Variants in COMMD1 observed in about 807,000 individuals in gnomAD.
The protein encoded by COMMD1 is COMM domain-containing protein 1.
COMMD1 carries 10 observed loss-of-function variants against 17.2 expected under a neutral mutation model. The ratio of observed to expected loss-of-function variants is 0.58; its 90% CI spans 0.36 to 0.99. The LOEUF (loss-of-function observed/expected upper bound fraction) is 0.99, where lower values mean the gene tolerates loss of function less well. COMMD1 is among the 50% of genes least tolerant of loss of function. The pLI is 0.01. For synonymous variants in COMMD1, 97 were observed against 91.6 expected (o/e 1.06, Z -0.34); for missense variants, 270 against 231.8 (o/e 1.17, Z -1.07).
intron 1 of COMMD1, among the ~76,000 whole-genome samples, chr2:61,939,337 G>T (rs1052286220): frequency 1.3e-5 from 2 of 151,660 alleles, no homozygotes; most frequent in Non-Finnish European, 2.9e-5. Context: ...ATGGTGGCAG[G>T]TGCCTGTGGT....
intron 1 of COMMD1, among the ~76,000 whole-genome samples, chr2:61,946,689 A>G (rs1391433744): frequency 1.3e-5 from 2 of 152,182 alleles, no homozygotes; most frequent in African/African-American, 4.8e-5. Context: ...ATTAAAGCTT[A>G]TTTTAAAACC....
intron 1 of COMMD1, among the ~76,000 whole-genome samples, chr2:61,929,237 G>A (rs941341466): frequency 6.6e-6 from 1 of 152,226 alleles, no homozygotes; most frequent in Non-Finnish European, 1.5e-5. Context: ...AGCAGGAGAT[G>A]TGTGAAGGAC....
At chr2:62,093,615 A>G (rs1671906960) in intron 2 of COMMD1, among the ~76,000 whole-genome samples, 1 of 152,240 alleles carries the variant, frequency 6.6e-6, no homozygotes. Flanking sequence ...ATTGCCGTAC[A>G]GGACAGGCCA....
chr2:61,909,005 C>T (rs554777257), intron 1 of COMMD1, among the ~76,000 whole-genome samples: 7 of 152,116 alleles, frequency 4.6e-5, no homozygotes, highest in South Asian at 2.1e-4. Flanking sequence ...CTCGGCTCTC[C>T]GCAACCTCTG....
chr2:62,029,221 C>G (rs894017158), intron 2 of COMMD1, among the ~76,000 whole-genome samples: 1 of 152,048 alleles, frequency 6.6e-6, no homozygotes, highest in Non-Finnish European at 1.5e-5. Flanking sequence ...AATTGTTATA[C>G]TCTTTGGGCA....
chr2:61,901,183 G>A (rs770884927), upstream of COMMD1, among the ~76,000 whole-genome samples: 6 of 151,366 alleles, frequency 4.0e-5, no homozygotes, highest in Admixed American at 2.0e-4. Context: ...CTGACCTCAG[G>A]TGATCTGCCT....
At chr2:62,053,248 G>T (rs1220482493) in intron 2 of COMMD1, among the ~76,000 whole-genome samples, 2 of 152,082 alleles carry the variant, frequency 1.3e-5, no homozygotes. Context: ...TTAAGAAATT[G>T]GGGTCTCTGG....
chr2:61,889,992 G>C (rs1207953544), intron 1 of COMMD1, among the ~76,000 whole-genome samples: 1 of 152,192 alleles, frequency 6.6e-6, no homozygotes. Context: ...TCAGTAGATA[G>C]AAGCAGTATT....
At chr2:61,930,588 T>C (rs897675510) in intron 1 of COMMD1, among the ~76,000 whole-genome samples, 4 of 151,054 alleles carry the variant, frequency 2.6e-5, no homozygotes, top group African/African-American at 9.7e-5. Context: ...ATGAGACTTC[T>C]AAGAGACTAT....
At chr2:61,888,615 A>T, upstream of COMMD1, 1 of 1,342,976 alleles carries the variant, frequency 7.4e-7, no homozygotes, top group East Asian at 2.6e-5. Context: ...CGAACCTTCC[A>T]GAAAGCGGCG....
intron 2 of COMMD1, among the ~76,000 whole-genome samples, chr2:62,073,931 A>C (rs1388718206): frequency 1.3e-5 from 2 of 152,190 alleles, no homozygotes; most frequent in Non-Finnish European, 2.9e-5. Context: ...CCCTGACCTC[A>C]GGTGATCCAC....
At chr2:61,892,157 T>C (rs1669447967) in intron 1 of COMMD1, among the ~76,000 whole-genome samples, 1 of 151,924 alleles carries the variant, frequency 6.6e-6, no homozygotes, top group African/African-American at 2.4e-5. Context: ...AAAAATACTT[T>C]CCAAAACAAA....
chr2:62,078,162 C>G (rs1671401219), intron 2 of COMMD1, among the ~76,000 whole-genome samples: 1 of 143,074 alleles, frequency 7.0e-6, no homozygotes, highest in African/African-American at 2.6e-5. Context: ...GTAGTCCCTG[C>G]TACTCGGGAG....
At chr2:61,899,273 C>G (rs1669611050) in intron 1 of COMMD1, among the ~76,000 whole-genome samples, 1 of 152,170 alleles carries the variant, frequency 6.6e-6, no homozygotes, top group Non-Finnish European at 1.5e-5. Context: ...AGGCAACATT[C>G]TTATTGTCAA....
intron 1 of COMMD1, among the ~76,000 whole-genome samples, chr2:61,909,416 C>T (rs1045107447): frequency 1.4e-4 from 21 of 152,084 alleles, no homozygotes; most frequent in African/African-American, 4.3e-4. Context: ...ATTTTTGCTG[C>T]CCTTGAAGAA....
chr2:61,890,901 C>T (rs1253252678), intron 1 of COMMD1, among the ~76,000 whole-genome samples: 1 of 151,520 alleles, frequency 6.6e-6, no homozygotes, highest in Non-Finnish European at 1.5e-5. Flanking sequence ...AGGCCGACTT[C>T]TCTTCAGAGG....
intron 2 of COMMD1, among the ~76,000 whole-genome samples, chr2:62,007,908 G>A (rs1018612921): frequency 4.6e-5 from 7 of 152,098 alleles, no homozygotes; most frequent in Admixed American, 1.3e-4. Context: ...ATGTCTGGGC[G>A]CAGTGGCTCA....
At chr2:62,066,395 C>T (rs1410068261) in intron 2 of COMMD1, among the ~76,000 whole-genome samples, 1 of 151,582 alleles carries the variant, frequency 6.6e-6, no homozygotes, top group Admixed American at 6.6e-5. Context: ...AGCCGCTTCA[C>T]TTCTGTAATG....
intron 2 of COMMD1, among the ~76,000 whole-genome samples, chr2:62,124,206 G>A (rs1672828151): frequency 6.6e-6 from 1 of 152,200 alleles, no homozygotes; most frequent in South Asian, 2.1e-4. Flanking sequence ...GGCTGAGGCA[G>A]GAGAATTGCT....
Sources: gnomAD v4.1 joint callset for allele counts (sites outside exome capture counted in the v4.1 genomes callset) on GRCh38, gnomAD v4.1.1 for gene constraint, MANE v1.5 for transcripts, NCBI Gene and HGNC (gene_info 2026-07-23, HGNC 2026-07-21) for gene names.